CCDC27: variants seen among roughly 807,000 people sequenced by gnomAD.
The protein encoded by CCDC27 is coiled-coil domain containing 27.
Under a neutral mutation model 80.3 loss-of-function variants are expected in CCDC27, and 80 were observed. The ratio of observed to expected loss-of-function variants is 1.00; its 90% CI spans 0.83 to 1.20. The LOEUF is 1.20. CCDC27 is among the 50% of genes most tolerant of loss of function. The pLI is 0.00. For synonymous variants in CCDC27, 342 were observed against 334.3 expected, an observed-to-expected ratio of 1.02 and a Z score of -0.25; for missense variants, 815 against 809.4, an observed-to-expected ratio of 1.01 and a Z score of -0.08.
At chr1:3,753,985 A>C (rs1266464512) in intron 1 of CCDC27, 133 bp from the exon 2 acceptor site, 1 of 1,289,032 alleles carries the variant, frequency 7.8e-7, no homozygotes, top group Non-Finnish European at 1.1e-6. Context: ...TGGGGTCTGC[A>C]TCTACATACG....
chr1:3,767,246 T>C lies in CCDC27; in HGVS notation c.1544T>C (p.Leu515Pro), dbSNP rs1305701779. The C allele has an allele frequency of 6.2e-6, 10 of 1,613,844 alleles. No homozygotes were observed. The highest frequency in any genetic ancestry group is 1.1e-5 in the South Asian group (1 of 91,078). The change falls in exon 10 of 12, where the codon CTG (leucine) becomes CCG (proline). Residue 515 changes from leucine to proline, a missense_variant. Transcript: ENST00000294600. The stretch of plus-strand genomic sequence containing the variant: ...GGCTGTCCCCAGCAAGTGTCGGAAC[T>C]GGAGAGAAAGCTCACCAAGCGGGAC... ...NQLLRQQVSE[L>P]ERKLTKRDCV...
chr1:3,758,434 C>A (rs1168411859), intron 4 of CCDC27, among the ~76,000 whole-genome samples: 1 of 152,036 alleles, frequency 6.6e-6, no homozygotes, highest in African/African-American at 2.4e-5. Flanking sequence ...GATCTACCCA[C>A]CTCGGCCTCC....
chr1:3,767,515 C>A, intron 10 of CCDC27, 70 bp downstream of exon 10: 3 of 1,391,802 alleles, frequency 2.2e-6, no homozygotes, highest in Middle Eastern at 2.6e-4. Context: ...CCTCTGCCCA[C>A]CGCCCACCGA....
intron 1 of CCDC27, among the ~76,000 whole-genome samples, chr1:3,753,230 G>A (rs1332158500): frequency 6.6e-6 from 1 of 152,184 alleles, no homozygotes; most frequent in South Asian, 2.1e-4. Flanking sequence ...TGTACTGGGG[G>A]AGCCCGAGAT....
Position 3,756,873 on chromosome 1 carries a change from TCA to T in CCDC27, c.695_696del (p.Ser232CysfsTer11). 2 of 1,613,026 alleles carry T rather than the reference TCA, an allele frequency of 1.2e-6. No individual in the cohort carries two copies. Among genetic ancestry groups the T allele is most frequent in the Non-Finnish European group, 1.7e-6 (2 of 1,179,718 alleles). On this transcript the variant is annotated frameshift_variant, in exon 4 of 12. Transcript: ENST00000294600. LOFTEE classifies it high-confidence loss of function. The stretch of plus-strand genomic sequence containing the variant: ...GAGAAAGAGGATGCCCTGGTACCTC[TCA>T]GTCATCCACGAGAAGGTACTGGCGG... Reference protein sequence around the residue: ...CLRKRMPWYLSVIHEKDHCLS... With the variant: ...CLRKRMPWYLXVIHEKDHCLS...
chr1:3,761,657 G>A lies in CCDC27; in HGVS notation c.861+227G>A, dbSNP rs1181882. On this transcript the variant is annotated intron_variant, in intron 5 of 11. Coordinates refer to ENST00000294600, the MANE Select transcript of CCDC27 (RefSeq NM_152492.3). This position sits in a 1 kb window ranked among gnomAD's most constrained non-coding sequence, Gnocchi z 5.0. ...GAGAGCCATGAGCTGATGCAACAGG[G>A]GGGGGAGAGATGAATGGAGGCGCAA... Among the ~76,000 whole-genome samples the A allele has an allele frequency of 2.0e-5, 3 of 151,984 alleles. No homozygotes were observed. The highest frequency in any genetic ancestry group is 6.6e-5 in the Admixed American group (1 of 15,258).
rs980058441 is a variant in CCDC27 at position 3,752,739 on chromosome 1, C to G, written c.258C>G (p.His86Gln). Residue 86 changes from histidine (H) to glutamine (Q), a missense_variant, in exon 1 of 12, where the codon CAC (histidine) becomes CAG (glutamine). His to Gln is a conservative substitution (Grantham distance 24). Transcript: ENST00000294600. ...RDARCPEWKP[H>Q]QKPRTLSKSV... is the part of the protein sequence containing the mutation. ...CCCGGTGCCCAGAATGGAAACCGCACCAAAAGCCACGCACGCTCAGCAAGT... is the reference window on the plus strand; with the variant it reads ...CCCGGTGCCCAGAATGGAAACCGCAGCAAAAGCCACGCACGCTCAGCAAGT... 3.1e-6 allele frequency: 5 copies of G among 1,613,770 alleles called. No individual in the cohort carries two copies. The highest frequency in any genetic ancestry group is 3.3e-4 in the Middle Eastern group (2 of 6,062).
rs555824279 is a variant in CCDC27 at position 3,761,888 on chromosome 1, G to T, written c.861+458G>T. 6.6e-6 allele frequency among the ~76,000 whole-genome samples: 1 copy of T among 152,104 alleles called. No homozygotes were observed. The highest frequency in any genetic ancestry group is 2.1e-4 in the South Asian group (1 of 4,816). On this transcript the variant is annotated intron_variant, in intron 5 of 11. Coordinates refer to ENST00000294600, the MANE Select transcript of CCDC27 (RefSeq NM_152492.3). This position sits in a 1 kb window ranked among gnomAD's most constrained non-coding sequence, Gnocchi z 5.0. ...CCTGGCTCTGTGCATCATCTGCAGT[G>T]GTAGCTTGTATTACCCTGCCCTGGC... is the stretch of plus-strand genomic sequence containing the variant.
chr1:3,770,452 C>G (rs2124599146), intron 11 of CCDC27, among the ~76,000 whole-genome samples: 2 of 152,358 alleles, frequency 1.3e-5, no homozygotes, highest in Middle Eastern at 3.4e-3. Context: ...CACACACTCA[C>G]TTTTCTGAGC....
Position 3,771,381 on chromosome 1 carries a change from C to A in CCDC27, c.1849-20C>A. 1.2e-6 allele frequency: 2 copies of A among 1,613,594 alleles called. No individual in the cohort carries two copies. Among genetic ancestry groups the A allele is most frequent in the Non-Finnish European group, 8.5e-7 (1 of 1,179,718 alleles). The stretch of plus-strand genomic sequence containing the variant: ...TGAGGAACTGGGAAGGCCACCTCGA[C>A]GGCTGTGTTTCTTGTGTAGAGAATT... On this transcript the variant is annotated intron_variant, in intron 11 of 11. Transcript: ENST00000294600.
rs115232892 is a variant in CCDC27 at position 3,765,449 on chromosome 1, C to T, written c.1453-1086C>T. On this transcript the variant is annotated intron_variant, in intron 8 of 11. Coordinates refer to ENST00000294600, the MANE Select transcript of CCDC27 (RefSeq NM_152492.3). ...GGCCTTCTCTCACACTATTGGACCT[C>T]CTGTCCCGCTCTTGTTTTATCTGTT... Among the ~76,000 whole-genome samples the T allele has an allele frequency of 6.3e-3, 961 of 152,296 alleles. 11 individuals are homozygous for T. The highest frequency in any genetic ancestry group is 0.022 in the African/African-American group (909 of 41,550).
Position 3,760,904 on chromosome 1 carries a change from G to A in CCDC27, c.712-377G>A, listed in dbSNP as rs758327577. 5.3e-5 allele frequency among the ~76,000 whole-genome samples: 8 copies of A among 152,212 alleles called. No individual in the cohort carries two copies. Among genetic ancestry groups the A allele is most frequent in the Admixed American group, 2.6e-4 (4 of 15,282 alleles). On this transcript the variant is annotated intron_variant, in intron 4 of 11. Coordinates refer to ENST00000294600, the MANE Select transcript of CCDC27 (RefSeq NM_152492.3). This position sits in a 1 kb window ranked among gnomAD's most constrained non-coding sequence, Gnocchi z 4.3. ...AGGCCCCTAGGGAAGCTTGGAGGGT[G>A]TTGCCGGTTAAGTGTCGGGGCTGCA...
intron 8 of CCDC27, among the ~76,000 whole-genome samples, chr1:3,764,338 C>T (rs535270230): frequency 2.0e-4 from 30 of 152,204 alleles, no homozygotes; most frequent in Middle Eastern, 3.2e-3. Context: ...CCCTCTCATT[C>T]GCCCTCTCCT....
At chr1:3,754,688 GC>G (rs1432990122) in intron 2 of CCDC27, among the ~76,000 whole-genome samples, 5 of 152,176 alleles carry the variant, frequency 3.3e-5, no homozygotes, top group Non-Finnish European at 1.5e-5. Flanking sequence ...GCAGGCAGCT[GC>G]CGAGCTCCAT....
rs766862518 is a variant in CCDC27, at chr1:3,752,820, G to A, written c.318+21G>A. The A allele has an allele frequency of 6.9e-6, 11 of 1,603,556 alleles. No individual in the cohort carries two copies. In the Admixed American group the frequency reaches 8.4e-5, roughly 12 times the overall value. ...AGACGGTATGGGGTCCCGGGAGGAG[G>A]GCTGCCACGAGCCTTGAGGTGACCT... is the stretch of plus-strand genomic sequence containing the variant. On this transcript the variant is annotated intron_variant, in intron 1 of 11. Transcript: ENST00000294600.
In CCDC27 at chr1:3,752,583, A is replaced by C. The variant is rs758815075; in HGVS notation, c.102A>C (p.Gln34His). 2 of 1,614,064 alleles carry C rather than the reference A, an allele frequency of 1.2e-6. No individual in the cohort carries two copies. Among genetic ancestry groups the C allele is most frequent in the Non-Finnish European group, 1.7e-6 (2 of 1,180,048 alleles). The change falls in exon 1 of 12, where the codon CAA becomes CAC. Residue 34 changes from glutamine to histidine, a missense_variant. Gln to His is a conservative substitution (Grantham distance 24, BLOSUM62 0). Coordinates refer to ENST00000294600, the MANE Select transcript of CCDC27 (RefSeq NM_152492.3). ...LSSFRSTFRQ[Q>H]SSLGLCIPRL... The stretch of plus-strand genomic sequence containing the variant: ...CATTCAGGTCCACATTCAGGCAACA[A>C]AGCTCACTTGGTCTTTGCATCCCAC...
chr1:3,757,701 T>A (rs1642990060), intron 4 of CCDC27, among the ~76,000 whole-genome samples: 2 of 152,138 alleles, frequency 1.3e-5, no homozygotes, highest in Non-Finnish European at 2.9e-5. Context: ...GGTAGACAGA[T>A]CCACGAGGTC....
rs368310478 is a variant in CCDC27, at chr1:3,766,521, C to T, written c.1453-14C>T. The T allele has an allele frequency of 5.2e-4, 809 of 1,570,186 alleles. No individual in the cohort carries two copies. Among genetic ancestry groups the T allele is most frequent in the Non-Finnish European group, 5.9e-4 (678 of 1,150,078 alleles). ...CTGGGAGTCCCCCAAGCCAACCCTT[C>T]TGTCTCCTTCCAGTTCTCCAACCTC... On this transcript the variant is annotated splice_polypyrimidine_tract_variant and intron_variant, in intron 8 of 11. Transcript: ENST00000294600. This position sits in a 1 kb window ranked among gnomAD's most constrained non-coding sequence, Gnocchi z 6.1.
At chr1:3,756,577 G>A in intron 3 of CCDC27, 156 bp from the exon 4 acceptor site, 1 of 739,546 alleles carries the variant, frequency 1.4e-6, no homozygotes, top group Admixed American at 2.5e-5. Context: ...TCCTCAAAAT[G>A]AGGGTGACAA....
Sources: gnomAD v4.1 joint callset for allele counts (sites outside exome capture counted in the v4.1 genomes callset) on GRCh38, gnomAD v4.1.1 for gene constraint, Gnocchi (gnomAD v3.1) non-coding constraint, MANE v1.5 for transcripts, NCBI Gene and HGNC (gene_info 2026-07-23, HGNC 2026-07-21) for gene names.